ANKS1B: variants seen among roughly 807,000 people sequenced by gnomAD.
The protein encoded by ANKS1B is ankyrin repeat and sterile alpha motif domain-containing protein 1B.
In ANKS1B, 36 loss-of-function variants were observed where a neutral mutation model predicts 148.3. The ratio of observed to expected loss-of-function variants is 0.24; its 90% CI spans 0.19 to 0.32. The LOEUF is 0.32. Among genes scored for constraint, ANKS1B ranks in the 10% least tolerant of loss-of-function variants. The pLI, the probability that ANKS1B is intolerant of heterozygous loss-of-function variation, is 1.00. For missense variants in ANKS1B, 1,157 were observed against 1,542.6 expected (o/e 0.75, Z 4.19); for synonymous variants, 542 against 560.8 (o/e 0.97, Z 0.47).
At chr12:99,054,584 G>A (rs1487259943) in intron 16 of ANKS1B, among the ~76,000 whole-genome samples, 2 of 151,938 alleles carry the variant, frequency 1.3e-5, no homozygotes, top group African/African-American at 4.8e-5. Flanking sequence ...TATTGCCCAG[G>A]CTGGAGTGCA....
chr12:98,760,187 T>A (rs552694849), intron 25 of ANKS1B, among the ~76,000 whole-genome samples: 1 of 152,234 alleles, frequency 6.6e-6, no homozygotes, highest in South Asian at 2.1e-4. Context: ...GGATTAATGA[T>A]GTTTACAGTC....
At position 99,411,301 on chromosome 12, in the gene ANKS1B, G is replaced by C. The variant is rs144173191; in HGVS notation, c.1576-11490C>G. 1.1e-4 allele frequency among the ~76,000 whole-genome samples: 17 copies of C among 152,262 alleles called. 1 individual carries two copies. The East Asian group carries it at 3.3e-3, about 29-fold the overall frequency. On this transcript the variant is annotated intron_variant, in intron 11 of 26. Coordinates refer to ENST00000683438, the MANE Select transcript of ANKS1B (RefSeq NM_001352186.2). ...TCCCACTTATTAGTAAGAATGTGTG[G>C]TATTTGGTTTTCTGTTTCTGTGTTA...
chr12:99,684,296 T>C (rs1381270335), intron 8 of ANKS1B, among the ~76,000 whole-genome samples: 1 of 145,618 alleles, frequency 6.9e-6, no homozygotes, highest in African/African-American at 2.6e-5. Context: ...TACAAATCAG[T>C]AGCACTGCTA....
At chr12:99,703,500 G>C (rs567948689) in intron 8 of ANKS1B, among the ~76,000 whole-genome samples, 1 of 152,166 alleles carries the variant, frequency 6.6e-6, no homozygotes, top group East Asian at 1.9e-4. Flanking sequence ...CAGTATCCCT[G>C]AAACATATTA....
chr12:99,484,072 T>C (rs759079699), intron 10 of ANKS1B, among the ~76,000 whole-genome samples: 1 of 152,072 alleles, frequency 6.6e-6, no homozygotes, highest in Admixed American at 6.6e-5. Context: ...CTCTAGTCCC[T>C]TGAGATACAA....
At chr12:99,066,520 G>A (rs571260846) in intron 16 of ANKS1B, among the ~76,000 whole-genome samples, 2 of 152,106 alleles carry the variant, frequency 1.3e-5, no homozygotes, top group East Asian at 3.9e-4. Context: ...ATAAGTGAGG[G>A]CTTATAAGAC....
At chr12:99,649,743 G>A (rs1004396521) in intron 9 of ANKS1B, 1 of 210,576 alleles carries the variant, frequency 4.7e-6, no homozygotes, top group Non-Finnish European at 9.6e-6. Flanking sequence ...TCTCCCTAGA[G>A]AGCAGTATGA....
chr12:98,985,101 C>A (rs2099922500), intron 17 of ANKS1B, among the ~76,000 whole-genome samples: 2 of 152,086 alleles, frequency 1.3e-5, no homozygotes, highest in South Asian at 2.1e-4. Context: ...TATGACAAGC[C>A]CTAAATTTTA....
At chr12:99,673,661 A>G (rs1047934468) in intron 8 of ANKS1B, among the ~76,000 whole-genome samples, 93 of 152,072 alleles carry the variant, frequency 6.1e-4, no homozygotes, top group African/African-American at 2.1e-3. Context: ...AATTCTTGAG[A>G]TAATACATTT....
In ANKS1B at chr12:99,073,907, C is replaced by G. The variant is rs74798445; in HGVS notation, c.2625+11018G>C. ...AGATATCTGGGATTTAGTTCCAGTTCAGTTACTAAGGAGCAATCTTCCTTG... is the reference window on the plus strand; with the variant it reads ...AGATATCTGGGATTTAGTTCCAGTTGAGTTACTAAGGAGCAATCTTCCTTG... On this transcript the variant is annotated intron_variant, in intron 16 of 26. Transcript: ENST00000683438. Among the ~76,000 whole-genome samples the G allele has an allele frequency of 6.0e-3, 917 of 152,270 alleles. 13 individuals carry two copies. Among genetic ancestry groups the G allele is most frequent in the African/African-American group, 0.02 (845 of 41,562 alleles).
chr12:99,124,914 T>C (rs536767343), intron 15 of ANKS1B, among the ~76,000 whole-genome samples: 13 of 152,298 alleles, frequency 8.5e-5, no homozygotes, highest in African/African-American at 3.1e-4. Flanking sequence ...GGAAAGTCAC[T>C]GATGACTGTA....
intron 12 of ANKS1B, among the ~76,000 whole-genome samples, chr12:99,330,154 T>A (rs1033133276): frequency 6.6e-6 from 1 of 152,000 alleles, no homozygotes; most frequent in Admixed American, 6.6e-5. Context: ...TAAGATCCAA[T>A]CCAAGGGCTA....
intron 12 of ANKS1B, among the ~76,000 whole-genome samples, chr12:99,302,533 G>T (rs572316429): frequency 6.6e-6 from 1 of 152,092 alleles, no homozygotes; most frequent in Non-Finnish European, 1.5e-5. Flanking sequence ...ATGTTATTCA[G>T]ATTTTTAGAC....
intron 9 of ANKS1B, among the ~76,000 whole-genome samples, chr12:99,522,803 G>A (rs1459526813): frequency 1.3e-5 from 2 of 152,124 alleles, no homozygotes; most frequent in East Asian, 1.9e-4. Flanking sequence ...AGAGTGACAG[G>A]CCTCCACTCT....
At chr12:98,903,406 G>A (rs1046055659) in intron 17 of ANKS1B, among the ~76,000 whole-genome samples, 5 of 152,010 alleles carry the variant, frequency 3.3e-5, no homozygotes, top group African/African-American at 4.8e-5. Flanking sequence ...GTTCAGAGAC[G>A]GTCAGAACCA....
intron 11 of ANKS1B, among the ~76,000 whole-genome samples, chr12:99,411,076 T>C (rs2094687545): frequency 6.6e-6 from 1 of 152,110 alleles, no homozygotes; most frequent in African/African-American, 2.4e-5. Flanking sequence ...GGAAAAGAAT[T>C]TTACTCAGTA....
intron 17 of ANKS1B, among the ~76,000 whole-genome samples, chr12:99,018,396 T>C: frequency 6.6e-6 from 1 of 152,218 alleles, no homozygotes; most frequent in Non-Finnish European, 1.5e-5. Context: ...ATTGAGACAA[T>C]CAAATATGGT....
At chr12:99,483,305 T>C (rs752498277) in intron 10 of ANKS1B, among the ~76,000 whole-genome samples, 1 of 152,126 alleles carries the variant, frequency 6.6e-6, no homozygotes, top group Non-Finnish European at 1.5e-5. Context: ...ATCACACTTA[T>C]TGACTTGCAT....
intron 9 of ANKS1B, among the ~76,000 whole-genome samples, chr12:99,522,985 C>G (rs2096890162): frequency 6.6e-6 from 1 of 152,090 alleles, no homozygotes; most frequent in East Asian, 1.9e-4. Context: ...AATCAGGAAC[C>G]CAGAGGTAGA....
Sources: allele counts gnomAD v4.1 joint callset (sites outside exome capture counted in the v4.1 genomes callset), GRCh38; gene constraint gnomAD v4.1.1; transcripts MANE v1.5; gene names NCBI Gene and HGNC (gene_info 2026-07-23, HGNC 2026-07-21).